Variants in ELL2 observed in about 807,000 individuals in gnomAD.
The protein encoded by ELL2 is elongation factor for RNA polymerase II 2, also known as RNA polymerase II elongation factor ELL2.
In ELL2, 21 loss-of-function variants were observed where a neutral mutation model predicts 72.8. The ratio of observed to expected loss-of-function variants is 0.29; its 90% CI spans 0.20 to 0.42. The LOEUF (loss-of-function observed/expected upper bound fraction) is 0.42, where lower values mean the gene tolerates loss of function less well. ELL2 is among the 10% of genes least tolerant of loss of function. ELL2 has a pLI of 1.00. For synonymous variants in ELL2, 266 were observed against 283.2 expected, an observed-to-expected ratio of 0.94 and a Z score of 0.61; for missense variants, 568 against 772.8, an observed-to-expected ratio of 0.73 and a Z score of 3.14.
At chr5:95,889,012 AAAG>A (rs1748560498) in intron 11 of ELL2, 25 bp from the exon 12 acceptor site, 3 of 1,570,834 alleles carry the variant, frequency 1.9e-6, no homozygotes, top group Non-Finnish European at 2.6e-6. Flanking sequence ...AAAAAAAAAA[AAAG>A]AGGAATGAGA....
At chr5:95,914,077 G>T in intron 3 of ELL2, 143 bp from the exon 4 acceptor site, 1 of 668,788 alleles carries the variant, frequency 1.5e-6, no homozygotes. Flanking sequence ...AAATGTAAAT[G>T]CTATTTAAAA....
At chr5:95,948,970 T>G (rs1053530351) in intron 1 of ELL2, among the ~76,000 whole-genome samples, 34 of 152,178 alleles carry the variant, frequency 2.2e-4, no homozygotes, top group African/African-American at 7.7e-4. Context: ...CCTTTATACC[T>G]CTTATGAAAT....
intron 2 of ELL2, among the ~76,000 whole-genome samples, chr5:95,931,767 CA>C (rs1750606090): frequency 9.2e-6 from 1 of 108,986 alleles, no homozygotes; most frequent in Non-Finnish European, 1.7e-5. Context: ...AGAAGGGTAG[CA>C]AACACTGCTT....
Position 95,927,796 on chromosome 5 carries a change from C to CACACACACATATGTGTGTATATAGACAT in ELL2, c.196-8279_196-8252dup, listed in dbSNP as rs1561505487. On this transcript the variant is annotated intron_variant, in intron 2 of 11. Transcript: ENST00000237853. ...ACACATATGTGTGTATATAGACATA[C>CACACACACATATGTGTGTATATAGACAT]ACACACACATATGTGTGTATATAGA... Among the ~76,000 whole-genome samples, 28 of 46,624 alleles carry CACACACACATATGTGTGTATATAGACAT rather than the reference C, an allele frequency of 6.0e-4. 9 individuals carry two copies. The highest frequency in any genetic ancestry group is 1.2e-3 in the Admixed American group (6 of 5,128). The allele number at this position is 46,624 out of a possible 152,430, so 30.6% of individuals were successfully genotyped here. A position where few individuals can be genotyped will look rare whatever the true frequency, so the allele number is the denominator to read the frequency against.
Position 95,900,797 on chromosome 5 carries a change from T to A in ELL2, c.867-17A>T, listed in dbSNP as rs770808190. The A allele has an allele frequency of 6.3e-7, 1 of 1,596,510 alleles. No homozygotes were observed. Among genetic ancestry groups the A allele is most frequent in the South Asian group, 1.1e-5 (1 of 87,300 alleles). ...TTTAGTTTTCTGTAAAGGACACACA[T>A]GTTATGTGTTAAGGAGATGATTTAA... On this transcript the variant is annotated splice_polypyrimidine_tract_variant and intron_variant, in intron 6 of 11. Transcript: ENST00000237853.
In ELL2 at chr5:95,895,629, T is replaced by G; in HGVS notation, c.1588A>C (p.Ile530Leu). Residue 530 changes from isoleucine (I) to leucine (L), a missense_variant and splice_region_variant, in exon 9 of 12, where the codon ATA becomes CTA. This residue lies in a region of ELL2 where 511 missense variants were observed against 728.4 expected (regional missense o/e 0.70). Coordinates refer to ENST00000237853, the MANE Select transcript of ELL2 (RefSeq NM_012081.6). ...PSAIELPDYLIKYIAIVSYEQ... is the reference protein window; with the variant it reads ...PSAIELPDYLLKYIAIVSYEQ... ...CCATTGGCAGACATATGAACTTACA[T>G]CAAATAATCTGGGAGTTCAATTGCT... The G allele has an allele frequency of 6.2e-7, 1 of 1,613,502 alleles. No individual in the cohort carries two copies. Among genetic ancestry groups the G allele is most frequent in the South Asian group, 1.1e-5 (1 of 91,060 alleles).
chr5:95,915,015 T>C (rs1749732778), intron 3 of ELL2, among the ~76,000 whole-genome samples: 1 of 152,186 alleles, frequency 6.6e-6, no homozygotes, highest in Non-Finnish European at 1.5e-5. Context: ...CAAACTGGAA[T>C]ATAAAACTAA....
At chr5:95,941,601 G>A (rs137933000) in intron 2 of ELL2, among the ~76,000 whole-genome samples, 91 of 152,240 alleles carry the variant, frequency 6.0e-4, no homozygotes, top group African/African-American at 2.1e-3. Context: ...GCATTTCCCA[G>A]GAGAAAGAAT....
chr5:95,924,843 A>C (rs1443906445), intron 2 of ELL2, among the ~76,000 whole-genome samples: 1 of 152,214 alleles, frequency 6.6e-6, no homozygotes, highest in Non-Finnish European at 1.5e-5. Context: ...CAAAACGTCT[A>C]ATTACTCTGG....
At chr5:95,915,935 A>C (rs1196511999) in intron 3 of ELL2, among the ~76,000 whole-genome samples, 4 of 152,070 alleles carry the variant, frequency 2.6e-5, no homozygotes, top group East Asian at 1.9e-4. Flanking sequence ...GAGAGGCTGA[A>C]ATCAGGGGAG....
At chr5:95,922,737 C>T (rs1460892081) in intron 2 of ELL2, among the ~76,000 whole-genome samples, 1 of 152,066 alleles carries the variant, frequency 6.6e-6, no homozygotes, top group African/African-American at 2.4e-5. Flanking sequence ...TTAAAAGTCT[C>T]TTCAGTAGGA....
intron 2 of ELL2, among the ~76,000 whole-genome samples, chr5:95,920,761 A>T (rs1489984682): frequency 6.6e-6 from 1 of 152,218 alleles, no homozygotes; most frequent in African/African-American, 2.4e-5. Flanking sequence ...GATAATTAAA[A>T]AAAAGGATTA....
intron 9 of ELL2, among the ~76,000 whole-genome samples, chr5:95,892,847 G>C (rs534443328): frequency 6.6e-6 from 1 of 152,198 alleles, no homozygotes; most frequent in South Asian, 2.1e-4. Flanking sequence ...AAGTATAATT[G>C]AGACAGTGAT....
Position 95,953,602 on chromosome 5 carries a change from C to A in ELL2, c.147+7973G>T, listed in dbSNP as rs568607003. Among the ~76,000 whole-genome samples, 3 of 152,308 alleles carry A rather than the reference C, an allele frequency of 2.0e-5. No individual in the cohort carries two copies. The South Asian group carries it at 6.2e-4, about 32-fold the overall frequency. On this transcript the variant is annotated intron_variant, in intron 1 of 11. Transcript: ENST00000237853. ...AAAAGTCTTCCAGACTAGGTTATCT[C>A]CCTGGATCAAGAAACAAGCGCTCAT... is the stretch of plus-strand genomic sequence containing the variant.
At chr5:95,921,316 T>G (rs766419019) in intron 2 of ELL2, among the ~76,000 whole-genome samples, 6 of 152,360 alleles carry the variant, frequency 3.9e-5, no homozygotes, top group East Asian at 1.9e-4. Context: ...AAAGATACTA[T>G]AGATAGATAA....
At chr5:95,916,480 T>A (rs192672816) in intron 3 of ELL2, among the ~76,000 whole-genome samples, 1 of 152,090 alleles carries the variant, frequency 6.6e-6, no homozygotes, top group African/African-American at 2.4e-5. Context: ...TACTGTGTAA[T>A]GTAAGCCACT....
At chr5:95,914,043 C>A in intron 3 of ELL2, 109 bp from the exon 4 acceptor site, 1 of 859,214 alleles carries the variant, frequency 1.2e-6, no homozygotes, top group Non-Finnish European at 1.6e-6. Flanking sequence ...GTTTGCAATC[C>A]TAAAATAACT....
chr5:95,897,971 G>C (rs1748938437), intron 8 of ELL2, among the ~76,000 whole-genome samples: 1 of 151,870 alleles, frequency 6.6e-6, no homozygotes, highest in African/African-American at 2.4e-5. Context: ...GAATGTTAAA[G>C]GTCCACCTTC....
intron 8 of ELL2, 128 bp downstream of exon 8, chr5:95,898,112 C>T: frequency 1.5e-6 from 1 of 663,406 alleles, no homozygotes; most frequent in Non-Finnish European, 2.2e-6. Context: ...AAAAAAACTG[C>T]TCAAAAGCAC....
Sources: gnomAD v4.1 joint callset for allele counts (sites outside exome capture counted in the v4.1 genomes callset) on GRCh38, gnomAD v4.1.1 for gene constraint, gnomAD v4.1.1 regional missense constraint, MANE v1.5 for transcripts, NCBI Gene and HGNC (gene_info 2026-07-23, HGNC 2026-07-21) for gene names.